CYFIP2: variants seen among roughly 807,000 people sequenced by gnomAD.
CYFIP2 encodes the protein cytoplasmic FMR1-interacting protein 2.
CYFIP2 carries 29 observed loss-of-function variants against 158.7 expected under a neutral mutation model. The observed-to-expected ratio is 0.18, with a 90% CI of 0.14 to 0.25. CYFIP2 has a LOEUF of 0.25. Ranked by LOEUF, CYFIP2 falls within the 10% of genes least tolerant of loss-of-function variation. The pLI is 1.00. For missense variants in CYFIP2, 852 were observed against 1,639.5 expected (o/e 0.52, Z 8.29); for synonymous variants, 585 against 617.6 (o/e 0.95, Z 0.78).
chr5:157,376,918 C>T (rs1316284720), intron 26 of CYFIP2: 1 of 456,106 alleles, frequency 2.2e-6, no homozygotes. Flanking sequence ...ATTTACCTTG[C>T]CTGAATCTGA....
intron 1 of CYFIP2, among the ~76,000 whole-genome samples, chr5:157,272,131 C>G (rs1411864913): frequency 1.3e-5 from 2 of 152,216 alleles, no homozygotes; most frequent in South Asian, 4.1e-4. Flanking sequence ...AGTCCTTTAG[C>G]CCCCACCAAG....
rs1767470843 is a variant in CYFIP2 at position 157,393,137 on chromosome 5, C to A, written c.*137C>A. 7.5e-6 allele frequency: 7 copies of A among 935,570 alleles called. No individual in the cohort carries two copies. Among genetic ancestry groups the A allele is most frequent in the Non-Finnish European group, 7.9e-6 (5 of 636,892 alleles). The allele number at this position is 935,570 out of a possible 1,614,324, so 58.0% of individuals were successfully genotyped here. On this transcript the variant is annotated 3_prime_UTR_variant, in exon 31 of 31. Transcript: ENST00000620254. ...ACAAGCACCTCCCCAAACACATCACCACTCCCTAGGGCGGGGCCTGTGCAT... is the reference window on the plus strand; with the variant it reads ...ACAAGCACCTCCCCAAACACATCACAACTCCCTAGGGCGGGGCCTGTGCAT...
chr5:157,326,283 CT>C lies in CYFIP2; in HGVS notation c.2079+17del. On this transcript the variant is annotated intron_variant, in intron 18 of 30. Transcript: ENST00000620254. ...AGAAGCTGAGGCAAGTGATGTGCTT[CT>C]CTTTTTGCTCCTTTAATCTTGTTCC... 6.3e-7 allele frequency: 1 copy of C among 1,593,450 alleles called. No individual in the cohort carries two copies. Among genetic ancestry groups the C allele is most frequent in the South Asian group, 1.1e-5 (1 of 90,600 alleles).
In CYFIP2 at chr5:157,359,144, G is replaced by A. The variant is rs778281246; in HGVS notation, c.2813G>A (p.Ser938Asn). ...GAGGAACTGCTAAAGATTGTGAAGA[G>A]CTTGGTAAGGAAAGGCCTCAGTGTG... ...VMEELLKIVK[S>N]LLQGTILQYV... Residue 938 changes from serine to asparagine, a missense_variant, in exon 24 of 31, where the codon AGC becomes AAC. Transcript: ENST00000620254. 1 of 1,613,988 alleles carries A rather than the reference G, an allele frequency of 6.2e-7. No individual in the cohort carries two copies. Among genetic ancestry groups the A allele is most frequent in the Admixed American group, 1.7e-5 (1 of 60,026 alleles).
intron 14 of CYFIP2, 66 bp downstream of exon 14, chr5:157,319,994 T>G: frequency 2.6e-6 from 4 of 1,563,834 alleles, no homozygotes; most frequent in African/African-American, 1.3e-5. Flanking sequence ...TCAGAGAGGA[T>G]GTCCTGGCTC....
At chr5:157,330,406 C>A (rs1004628541) in intron 19 of CYFIP2, among the ~76,000 whole-genome samples, 2 of 152,066 alleles carry the variant, frequency 1.3e-5, no homozygotes, top group African/African-American at 4.8e-5. Flanking sequence ...ATATAAACTC[C>A]ATGAGGACAG....
At chr5:157,358,493 A>G (rs1032487740) in intron 23 of CYFIP2, among the ~76,000 whole-genome samples, 6 of 152,210 alleles carry the variant, frequency 3.9e-5, no homozygotes, top group Non-Finnish European at 8.8e-5. Flanking sequence ...CCATGCACTC[A>G]GCAGAGATCT....
In CYFIP2 at chr5:157,285,328, C is replaced by T. The variant is rs1356969858; in HGVS notation, c.-23-11C>T. The T allele has an allele frequency of 6.5e-7, 1 of 1,527,824 alleles. No individual in the cohort carries two copies. Among genetic ancestry groups the T allele is most frequent in the East Asian group, 2.4e-5 (1 of 40,830 alleles). 94.6% of individuals were successfully genotyped at this position (1,527,824 alleles called of 1,614,324 possible). On this transcript the variant is annotated splice_polypyrimidine_tract_variant and intron_variant, in intron 1 of 30. Transcript: ENST00000620254. ...GAAATTCTCCACTGACCTTCTCTTC[C>T]TTCCCTTCAGTGCAGAATACAGAAA...
intron 5 of CYFIP2, 137 bp downstream of exon 5, chr5:157,296,911 G>A: frequency 1.6e-6 from 1 of 627,032 alleles, no homozygotes; most frequent in Admixed American, 3.0e-5. Flanking sequence ...CACATCCCTG[G>A]GTGAGCAAGA....
chr5:157,309,945 A>T (rs1173807847), intron 10 of CYFIP2, 111 bp downstream of exon 10: 1 of 1,052,358 alleles, frequency 9.5e-7, no homozygotes, highest in African/African-American at 1.6e-5. Context: ...GGGCAGGTGG[A>T]TTCCATCAGA....
At position 157,273,656 on chromosome 5, in the gene CYFIP2, G is replaced by C. The variant is rs1756297595; in HGVS notation, c.-24+7461G>C. 2.0e-5 allele frequency among the ~76,000 whole-genome samples: 3 copies of C among 152,036 alleles called. No homozygotes were observed. In the South Asian group the frequency reaches 6.2e-4, roughly 32 times the overall value. On this transcript the variant is annotated intron_variant, in intron 1 of 30. Transcript: ENST00000620254. ...TTGGTTTTTGCTCTCCACAGCCTCT[G>C]CTTGTAGGGGCATCATTTACAGTCC...
intron 23 of CYFIP2, among the ~76,000 whole-genome samples, chr5:157,357,993 A>C (rs144375178): frequency 6.6e-6 from 1 of 152,104 alleles, no homozygotes; most frequent in Non-Finnish European, 1.5e-5. Flanking sequence ...GCTTTTTCCC[A>C]CCTGAGCCTC....
chr5:157,327,926 T>C (rs779258272), intron 18 of CYFIP2, 47 bp from the exon 19 acceptor site: 3 of 1,587,524 alleles, frequency 1.9e-6, no homozygotes, highest in Non-Finnish European at 8.6e-7. Flanking sequence ...GTTTCTGTCA[T>C]AAAGCTGAAC....
In CYFIP2 at chr5:157,285,566, G is replaced by C. The variant is rs1462470163; in HGVS notation, c.117+88G>C. 31 of 1,177,958 alleles carry C rather than the reference G, an allele frequency of 2.6e-5. No homozygotes were observed. In the East Asian group the frequency reaches 6.2e-4, roughly 23 times the overall value. The allele number at this position is 1,177,958 out of a possible 1,614,324, so 73.0% of individuals were successfully genotyped here. ...TGCCCTAAGGCAGAGGGAAGGGGAG[G>C]TCTGCATCTAGAAGGTGAAAGGTTG... On this transcript the variant is annotated intron_variant, in intron 2 of 30. Coordinates refer to ENST00000620254, the MANE Select transcript of CYFIP2 (RefSeq NM_001037333.3).
At chr5:157,381,764 G>GGA (rs1443503307) in intron 26 of CYFIP2, among the ~76,000 whole-genome samples, 1 of 151,616 alleles carries the variant, frequency 6.6e-6, no homozygotes, top group East Asian at 2.0e-4. Context: ...AAGAAGGCAA[G>GGA]GACACCTGCA....
intron 1 of CYFIP2, among the ~76,000 whole-genome samples, chr5:157,284,028 G>A (rs1385078116): frequency 6.6e-6 from 1 of 152,058 alleles, no homozygotes; most frequent in East Asian, 1.9e-4. Context: ...CCTCTTAATC[G>A]TGTGTTTAGG....
chr5:157,326,683 A>G (rs1366079638), intron 18 of CYFIP2, among the ~76,000 whole-genome samples: 3 of 152,212 alleles, frequency 2.0e-5, no homozygotes, highest in African/African-American at 7.2e-5. Context: ...AGCCGCCTGT[A>G]GAAGGCTTCT....
At chr5:157,352,131 C>A (rs1763113116) in intron 23 of CYFIP2, among the ~76,000 whole-genome samples, 1 of 152,182 alleles carries the variant, frequency 6.6e-6, no homozygotes, top group African/African-American at 2.4e-5. Context: ...TTCCAAGTGA[C>A]ATAGATTGCG....
intron 27 of CYFIP2, 137 bp from the exon 28 acceptor site, chr5:157,383,128 A>T: frequency 1.4e-6 from 1 of 700,968 alleles, no homozygotes; most frequent in Non-Finnish European, 2.5e-6. Flanking sequence ...ACTTTCCAGA[A>T]CGAAGGAGAG....
Sources: gnomAD v4.1 joint callset for allele counts (sites outside exome capture counted in the v4.1 genomes callset) on GRCh38, gnomAD v4.1.1 for gene constraint, MANE v1.5 for transcripts, NCBI Gene and HGNC (gene_info 2026-07-23, HGNC 2026-07-21) for gene names.